The following SH2B3 variants were observed in gnomAD, a reference collection of about 807,000 sequenced individuals.
SH2B3 encodes the protein SH2B adaptor protein 3.
A neutral mutation model predicts 51.9 loss-of-function variants in SH2B3; 43 were observed. That is an observed-to-expected ratio of 0.83 (90% confidence interval 0.65 to 1.07). The LOEUF is 1.07. Among genes scored for constraint, SH2B3 ranks in the 50% least tolerant of loss-of-function variants. SH2B3 has a pLI of 0.00. For missense variants in SH2B3, 952 were observed against 834.3 expected, an observed-to-expected ratio of 1.14 and a Z score of -1.74; for synonymous variants, 396 against 376.0, an observed-to-expected ratio of 1.05 and a Z score of -0.62.
intron 2 of SH2B3, among the ~76,000 whole-genome samples, chr12:111,445,409 C>T (rs1873851233): frequency 6.6e-6 from 1 of 152,238 alleles, no homozygotes; most frequent in South Asian, 2.1e-4. Flanking sequence ...GCACACTGCG[C>T]TGTGTCCAGT....
chr12:111,416,481 G>T (rs913718095), intron 1 of SH2B3, among the ~76,000 whole-genome samples: 7 of 149,080 alleles, frequency 4.7e-5, no homozygotes, highest in South Asian at 4.2e-4. Context: ...GTTGTTGCTG[G>T]TTTTTTTTTT....
rs1324826567 is a variant in SH2B3 at position 111,447,976 on chromosome 12, G to A, written c.1409-7G>A. 3 of 1,599,724 alleles carry A rather than the reference G, an allele frequency of 1.9e-6. No homozygotes were observed. The highest frequency in any genetic ancestry group is 1.3e-5 in the African/African-American group (1 of 74,650). On this transcript the variant is annotated splice_polypyrimidine_tract_variant and splice_region_variant and intron_variant, in intron 7 of 7. Transcript: ENST00000341259. ...ATGGTGTGGTCTCTCTTGGTCACTT[G>A]TCCTAGGTTCCTGCAACACGGTCCT...
Position 111,429,760 on chromosome 12 carries a change from A to G in SH2B3, c.732+10883A>G, listed in dbSNP as rs1334400943. The stretch of plus-strand genomic sequence containing the variant: ...TCACAGCCAAGAAAACTAGGCACAG[A>G]GAGGTCCAGAAACTTGCCCGAGGCC... On this transcript the variant is annotated intron_variant, in intron 2 of 7. Transcript: ENST00000341259. The surrounding 1 kb of genome is among the most constrained non-coding windows in gnomAD (Gnocchi z 4.4). Among the ~76,000 whole-genome samples, 1 of 152,216 alleles carries G rather than the reference A, an allele frequency of 6.6e-6. No individual in the cohort carries two copies. Among genetic ancestry groups the G allele is most frequent in the Non-Finnish European group, 1.5e-5 (1 of 68,024 alleles).
At chr12:111,443,851 T>A (rs1873665865) in intron 2 of SH2B3, 1 of 152,184 alleles carries the variant, frequency 6.6e-6, no homozygotes, top group Non-Finnish European at 1.5e-5. Context: ...GAACCCTTTG[T>A]CCAGGGTTGT....
intron 2 of SH2B3, among the ~76,000 whole-genome samples, chr12:111,425,760 C>T (rs1871948448): frequency 1.3e-5 from 2 of 152,086 alleles, no homozygotes; most frequent in Admixed American, 6.5e-5. Flanking sequence ...CTCAGGCCCG[C>T]GATGGGAGAG....
At chr12:111,437,507 A>T (rs1249898895) in intron 2 of SH2B3, among the ~76,000 whole-genome samples, 1 of 152,182 alleles carries the variant, frequency 6.6e-6, no homozygotes, top group African/African-American at 2.4e-5. Context: ...TCAGGGCAGC[A>T]GGCAGGCTCA....
At chr12:111,444,848 C>G (rs762597722) in intron 2 of SH2B3, 71 of 985,498 alleles carry the variant, frequency 7.2e-5, no homozygotes, top group Non-Finnish European at 8.4e-5. Flanking sequence ...ATAGGACACC[C>G]ATACCACCAG....
Position 111,448,182 on chromosome 12 carries a change from C to G in SH2B3, c.1608C>G (p.Ala536=). 6.2e-7 allele frequency: 1 copy of G among 1,614,098 alleles called. No individual in the cohort carries two copies. ...TGGTGCCTTCGCCCGAAGAACTGGC[C>G]AACAGCCTGCAGCACCTGGAGCATG... ...FHLVPSPEEL[A]NSLQHLEHEP... The change falls in exon 8 of 8, where the codon GCC becomes GCG. Residue 536 remains alanine, a synonymous_variant. Transcript: ENST00000341259.
At chr12:111,404,939 G>A (rs1227585557), upstream of SH2B3, among the ~76,000 whole-genome samples, 1 of 152,232 alleles carries the variant, frequency 6.6e-6, no homozygotes, top group Non-Finnish European at 1.5e-5. Flanking sequence ...GGGAAGACTC[G>A]AGGTGGCCCC....
At chr12:111,433,874 A>G (rs1872663056) in intron 2 of SH2B3, among the ~76,000 whole-genome samples, 1 of 152,186 alleles carries the variant, frequency 6.6e-6, no homozygotes, top group Admixed American at 6.5e-5. Flanking sequence ...TCAGCCTCCC[A>G]AAATGCTGGG....
At position 111,434,977 on chromosome 12, in the gene SH2B3, C is replaced by T. The variant is rs1341773514; in HGVS notation, c.733-11776C>T. ...TGCCAGTTGGCTGGGAGCCCCTCCA[C>T]CCCAGAAGCCCTTGCTCTCACCTCT... On this transcript the variant is annotated intron_variant, in intron 2 of 7. Transcript: ENST00000341259. 12 of 1,535,386 alleles carry T rather than the reference C, an allele frequency of 7.8e-6. No individual in the cohort carries two copies. The Admixed American group carries it at 1.6e-4, about 20-fold the overall frequency.
In SH2B3 at chr12:111,447,970, T is replaced by A. The variant is rs1335282494; in HGVS notation, c.1409-13T>A. The A allele has an allele frequency of 2.5e-6, 4 of 1,593,728 alleles. No individual in the cohort carries two copies. In the East Asian group the frequency reaches 6.7e-5, roughly 27 times the overall value. On this transcript the variant is annotated splice_polypyrimidine_tract_variant and intron_variant, in intron 7 of 7. Coordinates refer to ENST00000341259, the MANE Select transcript of SH2B3 (RefSeq NM_005475.3). ...AGACTGATGGTGTGGTCTCTCTTGGTCACTTGTCCTAGGTTCCTGCAACAC... is the reference window on the plus strand; with the variant it reads ...AGACTGATGGTGTGGTCTCTCTTGGACACTTGTCCTAGGTTCCTGCAACAC...
At chr12:111,422,215 G>A (rs1395933305) in intron 2 of SH2B3, among the ~76,000 whole-genome samples, 1 of 151,996 alleles carries the variant, frequency 6.6e-6, no homozygotes, top group Non-Finnish European at 1.5e-5. Context: ...CAAATAGCTG[G>A]GATTATAGGC....
chr12:111,432,647 T>A (rs775926627), intron 2 of SH2B3, among the ~76,000 whole-genome samples: 6 of 152,234 alleles, frequency 3.9e-5, no homozygotes, highest in Admixed American at 6.5e-5. Context: ...GGAAACCTTG[T>A]ACCCATGAAC....
chr12:111,426,378 C>T (rs192461868), intron 2 of SH2B3, among the ~76,000 whole-genome samples: 2 of 144,524 alleles, frequency 1.4e-5, no homozygotes, highest in Admixed American at 6.8e-5. Flanking sequence ...TTCCGTTTTT[C>T]TTTTATCTTT....
At chr12:111,405,774 C>A (rs974278790), upstream of SH2B3, among the ~76,000 whole-genome samples, 34 of 152,066 alleles carry the variant, frequency 2.2e-4, no homozygotes, top group Non-Finnish European at 4.6e-4. The surrounding 1 kb of genome is among the most constrained non-coding windows in gnomAD (Gnocchi z 5.4). Flanking sequence ...GGGGCCAGTC[C>A]GGGCTCCGCC....
chr12:111,447,037 A>G lies in SH2B3; in HGVS notation c.926+4A>G. 6.2e-7 allele frequency: 1 copy of G among 1,612,252 alleles called. No homozygotes were observed. ...TCTCGGAGTGCACAGGCCGAGGGTG[A>G]GGTCCTGGGCCCTCGTCCCTGGCAC... On this transcript the variant is annotated splice_donor_region_variant and intron_variant, in intron 4 of 7. Coordinates refer to ENST00000341259, the MANE Select transcript of SH2B3 (RefSeq NM_005475.3).
chr12:111,411,723 G>A (rs1870716026), intron 1 of SH2B3, among the ~76,000 whole-genome samples: 1 of 152,170 alleles, frequency 6.6e-6, no homozygotes, highest in African/African-American at 2.4e-5. Context: ...TTGGGGTCCT[G>A]AGATGCAGAC....
intron 2 of SH2B3, among the ~76,000 whole-genome samples, chr12:111,442,122 T>C (rs1039094611): frequency 1.3e-5 from 2 of 152,134 alleles, no homozygotes; most frequent in African/African-American, 4.8e-5. Context: ...ATAATGCTCA[T>C]TCATCCATCC....
Sources: allele counts gnomAD v4.1 joint callset (sites outside exome capture counted in the v4.1 genomes callset), GRCh38; gene constraint gnomAD v4.1.1; non-coding constraint Gnocchi (gnomAD v3.1); transcripts MANE v1.5; gene names NCBI Gene and HGNC (gene_info 2026-07-23, HGNC 2026-07-21).